HP1BP3: variants seen among roughly 807,000 people sequenced by gnomAD.
HP1BP3 encodes the protein heterochromatin protein 1-binding protein 3.
HP1BP3 carries 12 observed loss-of-function variants against 62.5 expected under a neutral mutation model. That is an observed-to-expected ratio of 0.19 (90% CI 0.12 to 0.31). HP1BP3 has a LOEUF of 0.31. Among genes scored for constraint, HP1BP3 ranks in the 10% least tolerant of loss-of-function variants. The pLI, the probability that HP1BP3 is intolerant of heterozygous loss-of-function variation, is 1.00. For synonymous variants in HP1BP3, 260 were observed against 237.8 expected, an observed-to-expected ratio of 1.09 and a Z score of -0.86; for missense variants, 502 against 651.8, an observed-to-expected ratio of 0.77 and a Z score of 2.50.
intron 11 of HP1BP3, 132 bp from the exon 12 acceptor site, chr1:20,745,788 C>T (rs750103419): frequency 1.1e-4 from 91 of 820,398 alleles, no homozygotes; most frequent in Non-Finnish European, 1.6e-4. Flanking sequence ...CTAGGTTACA[C>T]GTATCAGGTT....
At chr1:20,787,043 G>A (rs1570706054) in intron 1 of HP1BP3, among the ~76,000 whole-genome samples, 152 bp downstream of exon 1, 1 of 152,026 alleles carries the variant, frequency 6.6e-6, no homozygotes, top group East Asian at 2.0e-4. Context: ...GGGTAAGGCA[G>A]ACAAAAGGCG....
chr1:20,774,827 T>A (rs761895340), intron 4 of HP1BP3: 1 of 151,848 alleles, frequency 6.6e-6, no homozygotes, highest in East Asian at 1.9e-4. Context: ...CTCCTGAAAA[T>A]ACAAAAATTA....
Position 20,752,381 on chromosome 1 carries a change from G to A in HP1BP3, c.982-2499C>T, listed in dbSNP as rs372955631. On this transcript the variant is annotated intron_variant, in intron 9 of 12. Transcript: ENST00000438032. ...GCGGTCTCGGCTCACTGCAACCTCCGCCTCCCGGATTCCAGCGATTCTCCT... is the reference window on the plus strand; with the variant it reads ...GCGGTCTCGGCTCACTGCAACCTCCACCTCCCGGATTCCAGCGATTCTCCT... Among the ~76,000 whole-genome samples the A allele has an allele frequency of 1.6e-4, 24 of 151,176 alleles. No homozygotes were observed. The East Asian group carries it at 4.1e-3, about 26-fold the overall frequency.
At chr1:20,764,135 T>C (rs1055793717) in intron 8 of HP1BP3, among the ~76,000 whole-genome samples, 1 of 152,232 alleles carries the variant, frequency 6.6e-6, no homozygotes, top group Non-Finnish European at 1.5e-5. Flanking sequence ...AAATGAAATG[T>C]CTTGTACTCA....
chr1:20,751,684 C>T (rs536399709), intron 9 of HP1BP3, among the ~76,000 whole-genome samples: 1 of 150,962 alleles, frequency 6.6e-6, no homozygotes, highest in South Asian at 2.1e-4. Flanking sequence ...GATTACATCA[C>T]TATACTCCAG....
chr1:20,755,361 C>G, intron 9 of HP1BP3: 1 of 453,642 alleles, frequency 2.2e-6, no homozygotes, highest in South Asian at 1.6e-5. Flanking sequence ...TCACTGAACC[C>G]AGGAGTTCAA....
At chr1:20,764,769 G>A (rs1035981384) in intron 8 of HP1BP3, among the ~76,000 whole-genome samples, 20 of 151,268 alleles carry the variant, frequency 1.3e-4, no homozygotes, top group South Asian at 2.1e-4. Context: ...CCAGCTATTC[G>A]GAGGCTGTGG....
At chr1:20,785,947 G>C (rs1034094465) in intron 1 of HP1BP3, among the ~76,000 whole-genome samples, 5 of 152,282 alleles carry the variant, frequency 3.3e-5, no homozygotes, top group Admixed American at 2.6e-4. Flanking sequence ...ACAAGACAGC[G>C]TGCTCAAAAA....
At chr1:20,768,982 G>T (rs1034019702) in intron 6 of HP1BP3, among the ~76,000 whole-genome samples, 14 of 152,156 alleles carry the variant, frequency 9.2e-5, no homozygotes, top group African/African-American at 3.4e-4. Flanking sequence ...GCTAGAGCAG[G>T]TCATAAACTA....
intron 9 of HP1BP3, among the ~76,000 whole-genome samples, chr1:20,751,543 A>G (rs2055750754): frequency 6.6e-6 from 1 of 151,896 alleles, no homozygotes; most frequent in Non-Finnish European, 1.5e-5. Context: ...TCGGCAACAT[A>G]GTGAGACTCT....
chr1:20,765,290 C>T, intron 8 of HP1BP3, 87 bp downstream of exon 8: 2 of 786,458 alleles, frequency 2.5e-6, no homozygotes, highest in Non-Finnish European at 3.8e-6. Context: ...AATCCTTCCT[C>T]AGTATTTAAT....
Position 20,767,872 on chromosome 1 carries a change from C to G in HP1BP3, c.655-208G>C, listed in dbSNP as rs1159876890. The stretch of plus-strand genomic sequence containing the variant: ...CTGATGCTGAGTAATACTGGACAAC[C>G]CAGTTAACCCTCTGAGCTTTTGTTT... On this transcript the variant is annotated intron_variant, in intron 6 of 12. Coordinates refer to ENST00000438032, the MANE Select transcript of HP1BP3 (RefSeq NM_001372052.1). Among the ~76,000 whole-genome samples, 6 of 152,140 alleles carry G rather than the reference C, an allele frequency of 3.9e-5. No individual in the cohort carries two copies. The East Asian group carries it at 1.2e-3, about 29-fold the overall frequency.
intron 8 of HP1BP3, among the ~76,000 whole-genome samples, chr1:20,760,273 TCA>T (rs1702294981): frequency 6.6e-6 from 1 of 152,122 alleles, no homozygotes; most frequent in African/African-American, 2.4e-5. Context: ...ACACAGTGGC[TCA>T]CACCTGTAAT....
intron 4 of HP1BP3, chr1:20,775,733 A>G (rs1380323973): frequency 5.2e-6 from 2 of 384,402 alleles, no homozygotes. Context: ...CCGTTGTGTT[A>G]TAACTGCCTA....
intron 5 of HP1BP3, 127 bp from the exon 6 acceptor site, chr1:20,771,200 T>G: frequency 1.5e-6 from 1 of 678,040 alleles, no homozygotes; most frequent in Non-Finnish European, 2.5e-6. Context: ...AGAATGAACT[T>G]CAGAAGACTT....
intron 10 of HP1BP3, 100 bp downstream of exon 10, chr1:20,749,623 T>G: frequency 8.6e-7 from 1 of 1,162,220 alleles, no homozygotes; most frequent in Non-Finnish European, 1.2e-6. Context: ...CCTCCCAAAG[T>G]GCTGGGATTA....
intron 8 of HP1BP3, 103 bp from the exon 9 acceptor site, chr1:20,757,359 T>C: frequency 2.4e-6 from 1 of 416,438 alleles, no homozygotes. Context: ...TTCTGATTAC[T>C]ATTATTATTA....
At chr1:20,745,454 C>T (rs1387058227) in intron 12 of HP1BP3, 89 bp downstream of exon 12, 1 of 1,441,018 alleles carries the variant, frequency 6.9e-7, no homozygotes, top group African/African-American at 1.4e-5. Flanking sequence ...TTCTGAAATG[C>T]TTTTTAGCTT....
At chr1:20,755,824 G>A (rs116311156) in intron 9 of HP1BP3, among the ~76,000 whole-genome samples, 13 of 152,244 alleles carry the variant, frequency 8.5e-5, no homozygotes, top group African/African-American at 3.1e-4. Context: ...AAGAATGAAA[G>A]CACTGGTACA....
Sources: allele counts gnomAD v4.1 joint callset (sites outside exome capture counted in the v4.1 genomes callset), GRCh38; gene constraint gnomAD v4.1.1; transcripts MANE v1.5; gene names NCBI Gene and HGNC (gene_info 2026-07-23, HGNC 2026-07-21).